The following TRIOBP variants were observed in gnomAD, a reference collection of about 807,000 sequenced individuals.
TRIOBP encodes the protein TRIO and F-actin binding protein.
TRIOBP carries 169 observed loss-of-function variants against 238.8 expected under a neutral mutation model. The observed-to-expected ratio is 0.71, with a 90% CI of 0.62 to 0.80. The LOEUF (loss-of-function observed/expected upper bound fraction) is 0.80. Ranked by LOEUF, TRIOBP falls within the 30% of genes least tolerant of loss-of-function variation. TRIOBP has a pLI of 0.00. For missense variants in TRIOBP, 2,838 were observed against 3,122.6 expected (o/e 0.91, Z 2.17); for synonymous variants, 1,150 against 1,274.4 (o/e 0.90, Z 2.08).
Position 37,725,701 on chromosome 22 carries a change from A to G in TRIOBP, c.3145A>G (p.Ser1049Gly), listed in dbSNP as rs1351177829. ...PFFPEPRAPE[S>G]EPPHHEPPYI... ...CTTCCCAGAGCCCCGCGCCCCTGAG[A>G]GTGAACCGCCCCACCACGAGCCTCC... Residue 1049 changes from serine (S) to glycine (G), a missense_variant, in exon 7 of 24, where the codon AGT (serine) becomes GGT (glycine). Ser to Gly is a moderately conservative substitution (Grantham distance 56, BLOSUM62 0). Transcript: ENST00000644935. The G allele has an allele frequency of 3.1e-6, 5 of 1,609,244 alleles. No individual in the cohort carries two copies. In the South Asian group the frequency reaches 5.5e-5, roughly 18 times the overall value.
At chr22:37,704,577 A>G (rs565185522) in intron 3 of TRIOBP, among the ~76,000 whole-genome samples, 1 of 151,872 alleles carries the variant, frequency 6.6e-6, no homozygotes, top group East Asian at 1.9e-4. Flanking sequence ...GCACATGATT[A>G]TTTAATCTTG....
chr22:37,751,594 G>A, intron 11 of TRIOBP, 178 bp from the exon 12 acceptor site: 1 of 671,868 alleles, frequency 1.5e-6, no homozygotes. Context: ...GGCTGCCTCA[G>A]TGGCTGGGAG....
Position 37,765,744 on chromosome 22 carries a change from C to G in TRIOBP, c.6399C>G (p.His2133Gln). 6.4e-7 allele frequency: 1 copy of G among 1,572,452 alleles called. No homozygotes were observed. Among genetic ancestry groups the G allele is most frequent in the Non-Finnish European group, 8.6e-7 (1 of 1,160,528 alleles). ...TGATGGAGGAGCTGCAGCGGCACCA[C>G]GAGCGGGAGCTGCAGCGCCTGCAGC... ...QQVMEELQRHHERELQRLQQE... is the reference protein window; with the variant it reads ...QQVMEELQRHQERELQRLQQE... Residue 2133 changes from histidine to glutamine, a missense_variant, in exon 18 of 24, where the codon CAC (histidine) becomes CAG (glutamine). Transcript: ENST00000644935.
intron 7 of TRIOBP, among the ~76,000 whole-genome samples, chr22:37,727,518 A>G (rs1391047589): frequency 6.6e-6 from 1 of 151,998 alleles, no homozygotes; most frequent in African/African-American, 2.4e-5. Flanking sequence ...AATACAAAAA[A>G]TTAGCTGGGC....
rs1924570280 is a variant in TRIOBP, at chr22:37,734,587, A to G, written c.4251A>G (p.Gln1417=). Residue 1417 remains glutamine, a synonymous_variant, in exon 9 of 24, where the codon CAA becomes CAG. Transcript: ENST00000644935. ...LRTQRPLESG[Q]AGPRQPLGVW... is the part of the protein sequence containing the mutation. ...CACAGAGACCTCTGGAGAGTGGCCA[A>G]GCAGGCCCAAGACAGCCTCTGGGGG... is the stretch of plus-strand genomic sequence containing the variant. 6.3e-7 allele frequency: 1 copy of G among 1,580,746 alleles called. No homozygotes were observed. Among genetic ancestry groups the G allele is most frequent in the Non-Finnish European group, 8.6e-7 (1 of 1,163,634 alleles).
intron 12 of TRIOBP, 85 bp from the exon 13 acceptor site, chr22:37,754,792 T>G (rs1385480546): frequency 7.2e-7 from 1 of 1,391,318 alleles, no homozygotes; most frequent in Non-Finnish European, 1.0e-6. Context: ...CCACCCCTCC[T>G]GTGTGCAGCA....
chr22:37,759,294 A>G, intron 17 of TRIOBP, 30 bp downstream of exon 17: 1 of 1,593,084 alleles, frequency 6.3e-7, no homozygotes. Flanking sequence ...TTTCAGGGGG[A>G]GGGGGCAGAT....
At chr22:37,705,435 C>T (rs375167500) in intron 3 of TRIOBP, among the ~76,000 whole-genome samples, 4 of 151,868 alleles carry the variant, frequency 2.6e-5, no homozygotes, top group South Asian at 2.1e-4. Context: ...GGCTGCACAT[C>T]GGGCTGGAGA....
intron 11 of TRIOBP, chr22:37,751,217 C>G: frequency 2.7e-6 from 1 of 364,896 alleles, no homozygotes; most frequent in Non-Finnish European, 5.6e-6. Flanking sequence ...CTTGCCAGGA[C>G]TGACCCTTCC....
Position 37,704,584 on chromosome 22 carries a change from C to T in TRIOBP, c.114+3105C>T, listed in dbSNP as rs116850169. The stretch of plus-strand genomic sequence containing the variant: ...AGAGAAATGCACATGATTATTTAAT[C>T]TTGGTTGTGATAAATGTATAAAGGA... On this transcript the variant is annotated intron_variant, in intron 3 of 23. Transcript: ENST00000644935. Among the ~76,000 whole-genome samples, 4 of 151,098 alleles carry T rather than the reference C, an allele frequency of 2.6e-5. No individual in the cohort carries two copies. The East Asian group carries it at 7.8e-4, about 29-fold the overall frequency.
At chr22:37,768,024 G>A in intron 18 of TRIOBP, 50 bp from the exon 19 acceptor site, 2 of 1,489,858 alleles carry the variant, frequency 1.3e-6, no homozygotes, top group Non-Finnish European at 1.9e-6. Context: ...GGCACTTGGT[G>A]CTGCTGACCC....
At chr22:37,755,698 T>C in intron 15 of TRIOBP, 39 bp downstream of exon 15, 1 of 1,585,864 alleles carries the variant, frequency 6.3e-7, no homozygotes, top group South Asian at 1.1e-5. Context: ...AGGGAGGCAC[T>C]TACCCTTGCG....
rs764297829 is a variant in TRIOBP, at chr22:37,734,483, C to A, written c.4147C>A (p.Pro1383Thr). The A allele has an allele frequency of 4.3e-6, 7 of 1,612,520 alleles. No homozygotes were observed. Among genetic ancestry groups the A allele is most frequent in the East Asian group, 4.5e-5 (2 of 44,872 alleles). The change falls in exon 9 of 24, where the codon CCT (proline) becomes ACT (threonine). Residue 1383 changes from proline to threonine, a missense_variant. By Grantham distance (38) the Pro-to-Thr change is conservative (BLOSUM62 -1). This residue lies in a region of TRIOBP where 2,096 missense variants were observed against 2,137.4 expected (regional missense o/e 0.98). Transcript: ENST00000644935. The stretch of plus-strand genomic sequence containing the variant: ...TCATCCTTGGAGTCCTGAGAAGAGA[C>A]CTGAGGGAGATCGGCAGCTCCAGGG... ...PPHPWSPEKR[P>T]EGDRQLQGSP...
chr22:37,714,469 G>A (rs1923416604), intron 5 of TRIOBP, among the ~76,000 whole-genome samples: 1 of 152,184 alleles, frequency 6.6e-6, no homozygotes. Context: ...AGGAGATCGA[G>A]ACCAGCCTGG....
Position 37,734,445 on chromosome 22 carries a change from A to C in TRIOBP, c.4109A>C (p.Gln1370Pro), listed in dbSNP as rs890718506. 1.2e-6 allele frequency: 2 copies of C among 1,613,122 alleles called. No individual in the cohort carries two copies. The highest frequency in any genetic ancestry group is 2.7e-5 in the African/African-American group (2 of 74,924). The change falls in exon 9 of 24, where the codon CAA (glutamine) becomes CCA (proline). Residue 1370 changes from glutamine (Q) to proline (P), a missense_variant. Physicochemically the swap from Gln to Pro is moderately conservative, Grantham distance 76. Around this residue, in one of 5 missense-constraint regions of TRIOBP, gnomAD observed 2,096 missense variants for 2,137.4 expected, o/e 0.98. Transcript: ENST00000644935. The part of the protein sequence containing the change: ...AKQAELTRRS[Q>P]AEPPHPWSPE... ...CAGGCAGAACTGACCCGGCGGAGCC[A>C]AGCAGAGCCCCCTCATCCTTGGAGT... is the stretch of plus-strand genomic sequence containing the variant.
intron 6 of TRIOBP, among the ~76,000 whole-genome samples, chr22:37,718,115 G>A (rs541303466): frequency 6.6e-6 from 1 of 152,266 alleles, no homozygotes; most frequent in Non-Finnish European, 1.5e-5. Flanking sequence ...GGGCCGGCAG[G>A]GCCAGCCGGC....
At chr22:37,767,978 G>C (rs1569062953) in intron 18 of TRIOBP, 96 bp from the exon 19 acceptor site, 1 of 921,908 alleles carries the variant, frequency 1.1e-6, no homozygotes, top group Non-Finnish European at 1.7e-6. Context: ...AGTCCACATA[G>C]TACTCCACCA....
chr22:37,738,989 C>A (rs970641329), intron 10 of TRIOBP, among the ~76,000 whole-genome samples: 1 of 152,204 alleles, frequency 6.6e-6, no homozygotes, highest in African/African-American at 2.4e-5. Flanking sequence ...CAATGTCTTT[C>A]CCTGCGCAAA....
At chr22:37,736,113 C>T (rs1261697872) in intron 9 of TRIOBP, among the ~76,000 whole-genome samples, 2 of 152,242 alleles carry the variant, frequency 1.3e-5, no homozygotes, top group African/African-American at 2.4e-5. Flanking sequence ...GGCCCAGCGC[C>T]GGGCACACAG....
Sources: gnomAD v4.1 joint callset for allele counts (sites outside exome capture counted in the v4.1 genomes callset) on GRCh38, gnomAD v4.1.1 for gene constraint, gnomAD v4.1.1 regional missense constraint, MANE v1.5 for transcripts, NCBI Gene and HGNC (gene_info 2026-07-23, HGNC 2026-07-21) for gene names.